Variants in CROCC2 observed in about 807,000 individuals in gnomAD.
The protein encoded by CROCC2 is ciliary rootlet coiled-coil protein 2.
In CROCC2, 163 loss-of-function variants were observed where a neutral mutation model predicts 177.6. The observed-to-expected ratio is 0.92, with a 90% CI of 0.81 to 1.05. The LOEUF (loss-of-function observed/expected upper bound fraction) is 1.05, where lower values mean the gene tolerates loss of function less well. CROCC2 is among the 50% of genes least tolerant of loss of function. The pLI, the probability that CROCC2 is intolerant of heterozygous loss-of-function variation, is 0.00. For synonymous variants in CROCC2, 904 were observed against 787.3 expected, an observed-to-expected ratio of 1.15 and a Z score of -2.48; for missense variants, 1,929 against 1,797.8, an observed-to-expected ratio of 1.07 and a Z score of -1.32.
intron 28 of CROCC2, chr2:240,983,424 A>C (rs2059815106): frequency 7.8e-7 from 1 of 1,281,408 alleles, no homozygotes; most frequent in African/African-American, 1.6e-5. Flanking sequence ...TCTTCGGCCC[A>C]GGTGCTCTGC....
chr2:240,987,240 C>T (rs1482180385), intron 28 of CROCC2, among the ~76,000 whole-genome samples: 1 of 152,062 alleles, frequency 6.6e-6, no homozygotes, highest in African/African-American at 2.4e-5. Flanking sequence ...CAGTGCCCAC[C>T]GTGAGTCCCT....
In CROCC2 at chr2:240,955,896, G is replaced by A. The variant is rs1056191851; in HGVS notation, c.2867G>A (p.Ser956Asn). Reference protein sequence around the residue: ...SLKETERSLLSEELSRARRTL... With the variant: ...SLKETERSLLNEELSRARRTL... ...AAAGAAACAGAGCGGAGCCTTCTGA[G>A]TGAGGAGCTCTCCAGGGCCAGGAGG... The change falls in exon 19 of 32, where the codon AGT (serine) becomes AAT (asparagine). Residue 956 changes from serine (S) to asparagine (N), a missense_variant. Physicochemically the swap from Ser to Asn is conservative, Grantham distance 46. Coordinates refer to ENST00000690015, the MANE Select transcript of CROCC2 (RefSeq NM_001351305.2). 8.5e-6 allele frequency: 13 copies of A among 1,535,006 alleles called. No individual in the cohort carries two copies. In the African/African-American group the frequency reaches 1.4e-4, roughly 16 times the overall value.
At position 240,910,556 on chromosome 2, in the gene CROCC2, G is replaced by T. The variant is rs375377411; in HGVS notation, c.78+3965G>T. On this transcript the variant is annotated intron_variant, in intron 1 of 31. Transcript: ENST00000690015. ...TCTTTGCTGAGGGGCTCGAGACAGG[G>T]GTTTCCCAGGACTCCAGACAGCCTT... 3.3e-5 allele frequency among the ~76,000 whole-genome samples: 5 copies of T among 152,286 alleles called. No individual in the cohort carries two copies. In the East Asian group the frequency reaches 5.8e-4, roughly 18 times the overall value.
Position 240,982,881 on chromosome 2 carries a change from A to G in CROCC2, c.4403A>G (p.Glu1468Gly), listed in dbSNP as rs2059810554. ...AAGQEKRRLQ[E>G]QLETLRQALE... ...GACCCTGTGTCTCCTTCCCCCCAGG[A>G]GCAACTGGAAACGCTGCGCCAGGCT... is the stretch of plus-strand genomic sequence containing the variant. Residue 1468 changes from glutamate (E) to glycine (G), a missense_variant and splice_region_variant, in exon 28 of 32, where the codon GAG becomes GGG. Coordinates refer to ENST00000690015, the MANE Select transcript of CROCC2 (RefSeq NM_001351305.2). The surrounding 1 kb of genome is among the most constrained non-coding windows in gnomAD (Gnocchi z 4.7). The G allele has an allele frequency of 1.3e-6, 2 of 1,547,456 alleles. No homozygotes were observed. The highest frequency in any genetic ancestry group is 1.7e-6 in the Non-Finnish European group (2 of 1,145,636).
chr2:240,982,816 G>A lies in CROCC2; in HGVS notation c.4402-64G>A. 6.9e-7 allele frequency: 1 copy of A among 1,448,198 alleles called. No individual in the cohort carries two copies. 89.7% of individuals were successfully genotyped at this position (1,448,198 alleles called of 1,614,324 possible). A position where few individuals can be genotyped will look rare whatever the true frequency, so the allele number is the denominator to read the frequency against. On this transcript the variant is annotated intron_variant, in intron 27 of 31. Transcript: ENST00000690015. The surrounding 1 kb of genome is among the most constrained non-coding windows in gnomAD (Gnocchi z 4.7). ...TCTAGGCAGATGCCCTGAGGCCAGG[G>A]TTTCCCTGCAGGGCCTCCCACCCCC...
intron 15 of CROCC2, among the ~76,000 whole-genome samples, chr2:240,947,405 C>G (rs955059253): frequency 6.6e-6 from 1 of 152,226 alleles, no homozygotes; most frequent in Non-Finnish European, 1.5e-5. Context: ...ACAGCTGCCC[C>G]TACCTCAGCC....
chr2:240,993,219 G>A lies in CROCC2; in HGVS notation c.*138G>A. ...GACAGCTCGCTCTCGGCAGTTTCAG[G>A]ACCCTCCTTGCCCTGGCTGCTCATG... On this transcript the variant is annotated 3_prime_UTR_variant, in exon 32 of 32. Coordinates refer to ENST00000690015, the MANE Select transcript of CROCC2 (RefSeq NM_001351305.2). 1.6e-6 allele frequency: 1 copy of A among 626,358 alleles called. No homozygotes were observed. Among genetic ancestry groups the A allele is most frequent in the Non-Finnish European group, 3.0e-6 (1 of 335,504 alleles). The allele number at this position is 626,358 out of a possible 1,614,324, so 38.8% of individuals were successfully genotyped here. A position where few individuals can be genotyped will look rare whatever the true frequency, so the allele number is the denominator to read the frequency against.
At chr2:240,975,442 C>G (rs11686906) in intron 27 of CROCC2, among the ~76,000 whole-genome samples, 56,779 of 152,088 alleles carry the variant, frequency 0.37, 10,849 homozygotes, top group East Asian at 0.53. Flanking sequence ...CCAGGGGATA[C>G]CTGCCAGTGG....
chr2:240,965,612 C>T (rs370193612), intron 23 of CROCC2, 24 bp from the exon 24 acceptor site: 65 of 1,549,766 alleles, frequency 4.2e-5, no homozygotes, highest in African/African-American at 3.4e-4. Context: ...CTCCCACGGG[C>T]GCACCCCAAC....
intron 27 of CROCC2, among the ~76,000 whole-genome samples, chr2:240,980,230 G>A (rs1574795336): frequency 4.0e-5 from 2 of 49,582 alleles, no homozygotes; most frequent in South Asian, 9.5e-4. Context: ...AGGAGCCCAG[G>A]CTCATCCCTG....
Position 240,961,797 on chromosome 2 carries a change from ACACATACACT to A in CROCC2, c.3088-1744_3088-1735del, listed in dbSNP as rs2059638354. Among the ~76,000 whole-genome samples the A allele has an allele frequency of 2.6e-5, 2 of 77,634 alleles. 1 individual carries two copies. The highest frequency in any genetic ancestry group is 7.2e-4 in the South Asian group (2 of 2,766). 50.9% of individuals were successfully genotyped at this position (77,634 alleles called of 152,430 possible). A position where few individuals can be genotyped will look rare whatever the true frequency, so the allele number is the denominator to read the frequency against. On this transcript the variant is annotated intron_variant, in intron 20 of 31. Transcript: ENST00000690015. ...ACACACTCATCACACACACGCACTC[ACACATACACT>A]CACATACACTCACACACACGCACGC... is the stretch of plus-strand genomic sequence containing the variant.
At chr2:240,975,997 C>T (rs1574793051) in intron 27 of CROCC2, among the ~76,000 whole-genome samples, 1 of 152,190 alleles carries the variant, frequency 6.6e-6, no homozygotes, top group African/African-American at 2.4e-5. Context: ...TCCCAAAGTG[C>T]TGGGATTACA....
chr2:240,907,051 C>T (rs565447065), intron 1 of CROCC2, among the ~76,000 whole-genome samples: 71 of 152,206 alleles, frequency 4.7e-4, no homozygotes, highest in African/African-American at 1.7e-3. Context: ...TTGCAGGCTG[C>T]GCACTGGGGT....
At chr2:240,911,590 G>T (rs1017782946) in intron 1 of CROCC2, among the ~76,000 whole-genome samples, 1 of 152,058 alleles carries the variant, frequency 6.6e-6, no homozygotes, top group Non-Finnish European at 1.5e-5. Context: ...AAGCCGCCAC[G>T]CCCGGCCCCA....
At chr2:240,989,015 C>G in intron 29 of CROCC2, 145 bp downstream of exon 29, 1 of 883,350 alleles carries the variant, frequency 1.1e-6, no homozygotes, top group Non-Finnish European at 1.5e-6. Flanking sequence ...GGACCAGCTT[C>G]TGCATGTGAT....
rs775643047 is a variant in CROCC2 at position 240,925,730 on chromosome 2, C to T, written c.495C>T (p.Thr165=). The T allele has an allele frequency of 2.4e-5, 17 of 715,252 alleles. No homozygotes were observed. The highest frequency in any genetic ancestry group is 7.4e-5 in the South Asian group (5 of 67,276). The allele number at this position is 715,252 out of a possible 1,614,324, so 44.3% of individuals were successfully genotyped here. The part of the protein sequence containing the change: ...GRLEAAEERS[T]GLCQVNALLR... ...CTGTGGGTTCTCTGTCCAGGAGCAC[C>T]GGCCTCTGTCAGGTGAACGCGCTCC... The change falls in exon 5 of 32, where the codon ACC becomes ACT. Residue 165 remains threonine (T), a synonymous_variant. Transcript: ENST00000690015.
Position 240,918,834 on chromosome 2 carries a change from C to G in CROCC2, c.187C>G (p.Arg63Gly). ...GCCCACCCCCGTGCCCACCCGCATC[C>G]GTGAGATCGTGGCCGGCAGCCTGAG... ...ASPTPVPTRI[R>G]EIVAGSLSEE... The change falls in exon 2 of 32, where the codon CGT becomes GGT. Residue 63 changes from arginine (R) to glycine (G), a missense_variant. Coordinates refer to ENST00000690015, the MANE Select transcript of CROCC2 (RefSeq NM_001351305.2). This position sits in a 1 kb window ranked among gnomAD's most constrained non-coding sequence, Gnocchi z 6.3. 1.5e-6 allele frequency: 1 copy of G among 645,452 alleles called. No homozygotes were observed. Among genetic ancestry groups the G allele is most frequent in the Non-Finnish European group, 2.9e-6 (1 of 350,452 alleles). The allele number at this position is 645,452 out of a possible 1,614,324, so 40.0% of individuals were successfully genotyped here.
At position 240,917,176 on chromosome 2, in the gene CROCC2, C is replaced by T. The variant is rs566049342; in HGVS notation, c.79-1550C>T. 2.6e-5 allele frequency among the ~76,000 whole-genome samples: 4 copies of T among 152,324 alleles called. No homozygotes were observed. Among genetic ancestry groups the T allele is most frequent in the South Asian group, 4.1e-4 (2 of 4,822 alleles). ...GAGGACGGGCGGGCTGGCCCCAGAC[C>T]TCAGCTGATAGTGGGGAGGCGTTTG... On this transcript the variant is annotated intron_variant, in intron 1 of 31. Transcript: ENST00000690015. The surrounding 1 kb of genome is among the most constrained non-coding windows in gnomAD (Gnocchi z 4.9).
rs2059572421 is a variant in CROCC2, at chr2:240,953,821, C to T, written c.2830-2038C>T. Among the ~76,000 whole-genome samples, 1 of 152,138 alleles carries T rather than the reference C, an allele frequency of 6.6e-6. No homozygotes were observed. The highest frequency in any genetic ancestry group is 2.4e-5 in the African/African-American group (1 of 41,434). On this transcript the variant is annotated intron_variant, in intron 18 of 31. Coordinates refer to ENST00000690015, the MANE Select transcript of CROCC2 (RefSeq NM_001351305.2). The surrounding 1 kb of genome is among the most constrained non-coding windows in gnomAD (Gnocchi z 4.0). ...GCCGCTGGCCCAGGAGGGGCTGTCT[C>T]CACTGGAACCCTCCATTCTCCGACC...
Sources: gnomAD v4.1 joint callset for allele counts (sites outside exome capture counted in the v4.1 genomes callset) on GRCh38, gnomAD v4.1.1 for gene constraint, Gnocchi (gnomAD v3.1) non-coding constraint, MANE v1.5 for transcripts, NCBI Gene and HGNC (gene_info 2026-07-23, HGNC 2026-07-21) for gene names.